XRCC4: variants seen among roughly 807,000 people sequenced by gnomAD.
XRCC4 encodes DNA repair protein XRCC4.
A neutral mutation model predicts 39.1 loss-of-function variants in XRCC4; 28 were observed. The observed-to-expected ratio is 0.72, with a 90% CI of 0.53 to 0.98. The LOEUF is 0.98. Among genes scored for constraint, XRCC4 ranks in the 50% least tolerant of loss-of-function variants. XRCC4 has a pLI of 0.00. For synonymous variants in XRCC4, 123 were observed against 126.4 expected (o/e 0.97, Z 0.18); for missense variants, 350 against 376.4 (o/e 0.93, Z 0.58).
chr5:83,332,625 A>G (rs150234441), intron 7 of XRCC4, among the ~76,000 whole-genome samples: 1 of 152,310 alleles, frequency 6.6e-6, no homozygotes, highest in Non-Finnish European at 1.5e-5. Flanking sequence ...CTTGCTTCTT[A>G]TTTCACTCAT....
chr5:83,360,311 C>A, the XRCC4 span, among the ~76,000 whole-genome samples: 2 of 152,036 alleles, frequency 1.3e-5, no homozygotes, highest in Non-Finnish European at 2.9e-5. Flanking sequence ...GTGATGGTTT[C>A]ATCATTATAC....
chr5:83,127,487 C>T (rs966136944), intron 3 of XRCC4, among the ~76,000 whole-genome samples: 3 of 152,074 alleles, frequency 2.0e-5, no homozygotes, highest in African/African-American at 7.2e-5. Flanking sequence ...ATGTGCCTTT[C>T]ACCTTCTGCC....
At position 83,310,794 on chromosome 5, in the gene XRCC4, GGAA is replaced by G. The variant is rs751495467; in HGVS notation, c.894-42332_894-42330del. 2.5e-4 allele frequency: 115 copies of G among 456,486 alleles called. 3 individuals carry two copies. Among genetic ancestry groups the G allele is most frequent in the South Asian group, 1.8e-3 (114 of 64,572 alleles). 28.3% of individuals were successfully genotyped at this position (456,486 alleles called of 1,614,324 possible). A position where few individuals can be genotyped will look rare whatever the true frequency, so the allele number is the denominator to read the frequency against. ...ATTATAACTTTCCTTATTAGAGGGAGGAAGAAGGAGACTTCAGAGAAAGAGGCC... is the reference window on the plus strand; with the variant it reads ...ATTATAACTTTCCTTATTAGAGGGAGGAAGGAGACTTCAGAGAAAGAGGCC... On this transcript the variant is annotated intron_variant, in intron 7 of 7. Transcript: ENST00000396027.
At position 83,138,648 on chromosome 5, in the gene XRCC4, C is replaced by G. The variant is rs1185492185; in HGVS notation, c.315+27445C>G. On this transcript the variant is annotated intron_variant, in intron 3 of 7. Coordinates refer to ENST00000396027, the MANE Select transcript of XRCC4 (RefSeq NM_003401.5). ...ATTAATGCATATTATGTTACTCTGC[C>G]AGAAAATTCAACAAAGGATTATCCA... 2.0e-5 allele frequency among the ~76,000 whole-genome samples: 3 copies of G among 152,088 alleles called. No individual in the cohort carries two copies. The East Asian group carries it at 5.8e-4, about 29-fold the overall frequency.
At chr5:83,245,190 T>C (rs189705396) in intron 6 of XRCC4, among the ~76,000 whole-genome samples, 1 of 152,062 alleles carries the variant, frequency 6.6e-6, no homozygotes, top group African/African-American at 2.4e-5. Flanking sequence ...CATTTTTCTG[T>C]ATTTAATGAA....
rs560940530 is a variant in XRCC4 at position 83,150,769 on chromosome 5, T to C, written c.315+39566T>C. On this transcript the variant is annotated intron_variant, in intron 3 of 7. Coordinates refer to ENST00000396027, the MANE Select transcript of XRCC4 (RefSeq NM_003401.5). ...AGCCATAAATCAGCATGAGGAATTA[T>C]TGGATTTACTATGGCTTGAATTGTT... Among the ~76,000 whole-genome samples, 6 of 152,264 alleles carry C rather than the reference T, an allele frequency of 3.9e-5. No individual in the cohort carries two copies. In the South Asian group the frequency reaches 6.2e-4, roughly 16 times the overall value.
rs367623160 is a variant in XRCC4, at chr5:83,111,059, T to C, written c.171T>C (p.Asp57=). Residue 57 remains aspartate, a synonymous_variant, in exon 3 of 8, where the codon GAT becomes GAC. Transcript: ENST00000396027. The part of the protein sequence containing the change: ...VSESEISQEA[D]DMAMEKGKYV... ...AATCAGAGATTTCCCAAGAAGCTGATGACATGGCAATGGAAAAAGGGAAAT... is the reference window on the plus strand; with the variant it reads ...AATCAGAGATTTCCCAAGAAGCTGACGACATGGCAATGGAAAAAGGGAAAT... The C allele has an allele frequency of 9.9e-5, 160 of 1,609,804 alleles. No individual in the cohort carries two copies. The highest frequency in any genetic ancestry group is 1.3e-4 in the Non-Finnish European group (148 of 1,178,522).
intron 6 of XRCC4, 27 bp from the exon 7 acceptor site, chr5:83,258,503 T>C: frequency 6.2e-7 from 1 of 1,601,906 alleles, no homozygotes; most frequent in Non-Finnish European, 8.5e-7. Context: ...TTTTGTTGGG[T>C]CACATTCTCA....
At chr5:83,358,635 C>T (rs868109381), downstream of XRCC4, among the ~76,000 whole-genome samples, 10 of 152,038 alleles carry the variant, frequency 6.6e-5, no homozygotes, top group South Asian at 4.2e-4. Context: ...TTTTGGTAGC[C>T]GCTGTTCCAG....
At chr5:83,359,871 T>C in the XRCC4 span, among the ~76,000 whole-genome samples, 3 of 152,138 alleles carry the variant, frequency 2.0e-5, no homozygotes, top group Non-Finnish European at 4.4e-5. Context: ...TATGTGTAAT[T>C]TTCCTAATAT....
intron 6 of XRCC4, among the ~76,000 whole-genome samples, chr5:83,251,197 C>A (rs1333595873): frequency 6.6e-6 from 1 of 152,082 alleles, no homozygotes; most frequent in Non-Finnish European, 1.5e-5. Context: ...GTCTGAAGAA[C>A]TGAATTCCTT....
downstream of XRCC4, among the ~76,000 whole-genome samples, chr5:83,358,534 C>T (rs1285308774): frequency 6.6e-6 from 1 of 152,018 alleles, no homozygotes; most frequent in African/African-American, 2.4e-5. Flanking sequence ...TCTCAATGCC[C>T]CTAAAGGCTC....
intron 7 of XRCC4, among the ~76,000 whole-genome samples, chr5:83,293,671 G>T (rs1278504917): frequency 6.6e-6 from 1 of 151,844 alleles, no homozygotes; most frequent in Non-Finnish European, 1.5e-5. Context: ...TTATCAGTTT[G>T]TAAATTTCAG....
chr5:83,115,663 A>G (rs1746676369), intron 3 of XRCC4, among the ~76,000 whole-genome samples: 1 of 152,226 alleles, frequency 6.6e-6, no homozygotes, highest in African/African-American at 2.4e-5. Flanking sequence ...CCACCCTGAA[A>G]GTAAACAACT....
the XRCC4 span, among the ~76,000 whole-genome samples, chr5:83,362,028 T>C: frequency 6.6e-6 from 1 of 152,100 alleles, no homozygotes; most frequent in Admixed American, 6.6e-5. Context: ...TTTCTTTTGC[T>C]CATCTCTTTT....
At position 83,195,751 on chromosome 5, in the gene XRCC4, T is replaced by C. The variant is rs780405929; in HGVS notation, c.316-19T>C. On this transcript the variant is annotated intron_variant, in intron 3 of 7. Coordinates refer to ENST00000396027, the MANE Select transcript of XRCC4 (RefSeq NM_003401.5). ...CTTGATATTTTCCCCAAATTAACCA[T>C]GTTTTTCTTTCATTTTAGTTCAGAC... 4 of 1,536,512 alleles carry C rather than the reference T, an allele frequency of 2.6e-6. No homozygotes were observed. Among genetic ancestry groups the C allele is most frequent in the East Asian group, 2.3e-5 (1 of 44,156 alleles).
intron 7 of XRCC4, among the ~76,000 whole-genome samples, chr5:83,350,156 TCCACCAATTATGG>T (rs1287502087): frequency 6.6e-6 from 1 of 152,184 alleles, no homozygotes; most frequent in African/African-American, 2.4e-5. Context: ...CTTTACCCAG[TCCACCAATTATGG>T]CCACCTAGGT....
chr5:83,092,220 A>G lies in XRCC4; in HGVS notation c.-10-12690A>G, dbSNP rs556124397. 9.3e-4 allele frequency among the ~76,000 whole-genome samples: 142 copies of G among 152,238 alleles called. 1 individual carries two copies. Among genetic ancestry groups the G allele is most frequent in the South Asian group, 6.4e-3 (31 of 4,830 alleles). On this transcript the variant is annotated intron_variant, in intron 1 of 7. Coordinates refer to ENST00000396027, the MANE Select transcript of XRCC4 (RefSeq NM_003401.5). ...TTATTGGATTATCTGTTTTGTTTCT[A>G]TAGAGCTGTTTGATTTCCTCTTATA... is the stretch of plus-strand genomic sequence containing the variant.
At chr5:83,102,538 C>G (rs1026947367) in intron 1 of XRCC4, among the ~76,000 whole-genome samples, 7 of 152,118 alleles carry the variant, frequency 4.6e-5, no homozygotes, top group African/African-American at 1.7e-4. Context: ...CATAGGAGAT[C>G]AGAGTTGGAA....
Sources: gnomAD v4.1 joint callset for allele counts (sites outside exome capture counted in the v4.1 genomes callset) on GRCh38, gnomAD v4.1.1 for gene constraint, MANE v1.5 for transcripts, NCBI Gene and HGNC (gene_info 2026-07-23, HGNC 2026-07-21) for gene names.